HSD17B4: variants seen among roughly 807,000 people sequenced by gnomAD.
HSD17B4 encodes the protein hydroxysteroid 17-beta dehydrogenase 4.
In HSD17B4, 70 loss-of-function variants were observed where a neutral mutation model predicts 101.0. That is an observed-to-expected ratio of 0.69 (90% CI 0.57 to 0.85). HSD17B4 has a LOEUF of 0.85. Among genes scored for constraint, HSD17B4 ranks in the 40% least tolerant of loss-of-function variants. HSD17B4 has a pLI of 0.00. For synonymous variants in HSD17B4, 347 were observed against 297.1 expected, an observed-to-expected ratio of 1.17 and a Z score of -1.73; for missense variants, 984 against 892.4, an observed-to-expected ratio of 1.10 and a Z score of -1.31.
At chr5:119,538,350 C>A (rs547797777) in intron 23 of HSD17B4, among the ~76,000 whole-genome samples, 2 of 152,278 alleles carry the variant, frequency 1.3e-5, no homozygotes, top group Non-Finnish European at 1.5e-5. Context: ...GTGATCCTAG[C>A]CTCTGTCATC....
intron 2 of HSD17B4, among the ~76,000 whole-genome samples, chr5:119,457,502 T>C (rs1754790628): frequency 6.6e-6 from 1 of 152,224 alleles, no homozygotes; most frequent in African/African-American, 2.4e-5. Context: ...TTTAAGATCA[T>C]AGGCACTGTC....
intron 8 of HSD17B4, among the ~76,000 whole-genome samples, chr5:119,480,467 T>C (rs2126708857): frequency 6.6e-6 from 1 of 152,154 alleles, no homozygotes; most frequent in Non-Finnish European, 1.5e-5. Context: ...AGCAAGTTTT[T>C]ATTAGGGATT....
At chr5:119,464,017 G>C (rs1344053991) in intron 2 of HSD17B4, among the ~76,000 whole-genome samples, 1 of 151,932 alleles carries the variant, frequency 6.6e-6, no homozygotes, top group South Asian at 2.1e-4. Flanking sequence ...AAAATATACT[G>C]TTTATTATTT....
At chr5:119,508,561 C>T (rs916478930) in intron 15 of HSD17B4, among the ~76,000 whole-genome samples, 2 of 152,194 alleles carry the variant, frequency 1.3e-5, no homozygotes, top group African/African-American at 4.8e-5. Context: ...TTATTCATTA[C>T]TTGCTCACTT....
chr5:119,469,479 T>C (rs1756143243), intron 2 of HSD17B4, among the ~76,000 whole-genome samples: 1 of 152,058 alleles, frequency 6.6e-6, no homozygotes, highest in Non-Finnish European at 1.5e-5. Context: ...TCAGCCTCCT[T>C]AGTAGTTGGG....
chr5:119,525,910 T>C lies in HSD17B4; in HGVS notation c.1574-7T>C, dbSNP rs1197002071. The stretch of plus-strand genomic sequence containing the variant: ...TGTATCTAACTCAGTGTTCTCTCTT[T>C]TCCTAGGTTTTGACAAGCCCATATT... On this transcript the variant is annotated splice_region_variant and splice_polypyrimidine_tract_variant and intron_variant, in intron 18 of 23. Coordinates refer to ENST00000510025, the MANE Select transcript of HSD17B4 (RefSeq NM_000414.4). 1 of 1,546,460 alleles carries C rather than the reference T, an allele frequency of 6.5e-7. No individual in the cohort carries two copies.
intron 8 of HSD17B4, among the ~76,000 whole-genome samples, chr5:119,484,306 A>G (rs1234771367): frequency 6.6e-6 from 1 of 152,230 alleles, no homozygotes; most frequent in Non-Finnish European, 1.5e-5. Flanking sequence ...ACCTTTGTGG[A>G]AAATCAATCG....
Position 119,471,441 on chromosome 5 carries a change from A to G in HSD17B4, c.113-2467A>G, listed in dbSNP as rs439954. On this transcript the variant is annotated intron_variant, in intron 2 of 23. Coordinates refer to ENST00000510025, the MANE Select transcript of HSD17B4 (RefSeq NM_000414.4). Reference sequence around the variant, plus strand: ...ATATATGCCTTAGCTAATTTTAGGCATTGGCTTTTTCTCCATATTATCCCA... The same window carrying G: ...ATATATGCCTTAGCTAATTTTAGGCGTTGGCTTTTTCTCCATATTATCCCA... Among the ~76,000 whole-genome samples the G allele has an allele frequency of 0.89, 134,774 of 152,108 alleles. 59,966 individuals are homozygous for G. The highest frequency in any genetic ancestry group is 0.97 in the African/African-American group (40,362 of 41,532).
intron 23 of HSD17B4, among the ~76,000 whole-genome samples, chr5:119,538,417 A>G (rs879603391): frequency 1.3e-5 from 2 of 152,086 alleles, no homozygotes; most frequent in Non-Finnish European, 2.9e-5. Context: ...GTTGTTCTCC[A>G]CCCAGGAGCC....
Position 119,536,411 on chromosome 5 carries a change from T to C in HSD17B4, c.1994-12T>C. ...AAAAAGATACACATTGGTTTCTTCCTATTTTTCCCAGCTATTGACCTGAAA... is the reference window on the plus strand; with the variant it reads ...AAAAAGATACACATTGGTTTCTTCCCATTTTTCCCAGCTATTGACCTGAAA... On this transcript the variant is annotated splice_polypyrimidine_tract_variant and intron_variant, in intron 22 of 23. Coordinates refer to ENST00000510025, the MANE Select transcript of HSD17B4 (RefSeq NM_000414.4). 6.2e-7 allele frequency: 1 copy of C among 1,611,516 alleles called. No individual in the cohort carries two copies. Among genetic ancestry groups the C allele is most frequent in the East Asian group, 2.2e-5 (1 of 44,820 alleles).
intron 9 of HSD17B4, among the ~76,000 whole-genome samples, chr5:119,489,843 T>C (rs1289945583): frequency 6.6e-6 from 1 of 152,148 alleles, no homozygotes; most frequent in Non-Finnish European, 1.5e-5. Context: ...GTTTTTTTTA[T>C]TGCAGAGCTT....
intron 20 of HSD17B4, among the ~76,000 whole-genome samples, chr5:119,529,491 A>G (rs1210850306): frequency 1.3e-5 from 2 of 152,146 alleles, no homozygotes; most frequent in Non-Finnish European, 2.9e-5. Flanking sequence ...GCCTTTTACT[A>G]TTTATAAGGA....
At chr5:119,454,979 C>A (rs1754458483) in intron 1 of HSD17B4, among the ~76,000 whole-genome samples, 1 of 152,028 alleles carries the variant, frequency 6.6e-6, no homozygotes, top group Non-Finnish European at 1.5e-5. Flanking sequence ...TATTTGTATA[C>A]TTATTGATTA....
At chr5:119,494,031 T>G in intron 11 of HSD17B4, 85 bp downstream of exon 11, 1 of 1,361,462 alleles carries the variant, frequency 7.3e-7, no homozygotes, top group Non-Finnish European at 1.0e-6. Context: ...GTCTTCTATG[T>G]TAACTGTAGT....
intron 2 of HSD17B4, among the ~76,000 whole-genome samples, chr5:119,469,635 G>C (rs1054422900): frequency 6.6e-6 from 1 of 152,146 alleles, no homozygotes. Context: ...GATTGCAGGC[G>C]TGAGCCACTG....
In HSD17B4 at chr5:119,472,993, G is replaced by T. The variant is rs539222056; in HGVS notation, c.113-915G>T. 1.2e-3 allele frequency among the ~76,000 whole-genome samples: 183 copies of T among 152,188 alleles called. 1 individual carries two copies. Among genetic ancestry groups the T allele is most frequent in the South Asian group, 8.5e-3 (41 of 4,830 alleles). ...AATGCAGAATTACGTTTCATTGCTT[G>T]TATATACCCCATTTTCTTTATTCAT... On this transcript the variant is annotated intron_variant, in intron 2 of 23. Coordinates refer to ENST00000510025, the MANE Select transcript of HSD17B4 (RefSeq NM_000414.4).
chr5:119,456,430 C>T, intron 2 of HSD17B4, 62 bp downstream of exon 2: 1 of 975,856 alleles, frequency 1.0e-6, no homozygotes, highest in Non-Finnish European at 1.7e-6. Context: ...TCTTTACAAG[C>T]TATCTTTGTC....
At chr5:119,489,331 A>G (rs1430346630) in intron 9 of HSD17B4, 48 bp downstream of exon 9, 3 of 1,206,476 alleles carry the variant, frequency 2.5e-6, no homozygotes, top group Admixed American at 1.7e-5. Flanking sequence ...CCAGTTGCTT[A>G]CATTTGTAAA....
chr5:119,502,364 T>C (rs1265631113), intron 14 of HSD17B4, among the ~76,000 whole-genome samples: 2 of 152,196 alleles, frequency 1.3e-5, no homozygotes, highest in African/African-American at 4.8e-5. Flanking sequence ...CGTTCGTGTA[T>C]GTGCTCTAGA....
Sources: gnomAD v4.1 joint callset for allele counts (sites outside exome capture counted in the v4.1 genomes callset) on GRCh38, gnomAD v4.1.1 for gene constraint, MANE v1.5 for transcripts, NCBI Gene and HGNC (gene_info 2026-07-23, HGNC 2026-07-21) for gene names.